The following PCDH9 variants were observed in gnomAD, a reference collection of about 807,000 sequenced individuals.
PCDH9 encodes the protein protocadherin 9, also known as protocadherin-9.
Under a neutral mutation model 70.6 loss-of-function variants are expected in PCDH9, and 24 were observed. The ratio of observed to expected loss-of-function variants is 0.34; its 90% confidence interval spans 0.25 to 0.48. The LOEUF is 0.48. Ranked by LOEUF, PCDH9 falls within the 20% of genes least tolerant of loss-of-function variation. PCDH9 has a pLI of 0.99. For missense variants in PCDH9, 1,281 were observed against 1,503.6 expected (o/e 0.85, Z 2.45); for synonymous variants, 562 against 558.5 (o/e 1.01, Z -0.09).
intron 3 of PCDH9, among the ~76,000 whole-genome samples, chr13:66,737,929 G>C (rs911478159): frequency 4.6e-5 from 7 of 152,216 alleles, no homozygotes; most frequent in African/African-American, 1.4e-4. Flanking sequence ...AGGGGCGCCC[G>C]CCATTGCCCA....
intron 2 of PCDH9, among the ~76,000 whole-genome samples, chr13:66,979,589 AGT>A (rs1334312708): frequency 1.3e-5 from 2 of 152,140 alleles, no homozygotes; most frequent in Admixed American, 6.5e-5. Flanking sequence ...AATATTCTAT[AGT>A]GACTCTCATT....
chr13:66,708,665 G>A lies in PCDH9; in HGVS notation c.3139-77254C>T, dbSNP rs150643829. On this transcript the variant is annotated intron_variant, in intron 3 of 4. Coordinates refer to ENST00000377865, the MANE Select transcript of PCDH9 (RefSeq NM_203487.3). ...TTTCATATCAGAAACACGCAGAAACGTGGAAGATACATGGCTTCCTCAGTC... is the reference window on the plus strand; with the variant it reads ...TTTCATATCAGAAACACGCAGAAACATGGAAGATACATGGCTTCCTCAGTC... 4.2e-3 allele frequency among the ~76,000 whole-genome samples: 636 copies of A among 152,246 alleles called. 1 individual carries two copies. Among genetic ancestry groups the A allele is most frequent in the African/African-American group, 0.014 (582 of 41,552 alleles).
rs192740243 is a variant in PCDH9, at chr13:67,216,607, A to C, written c.3036+8798T>G. ...TTATCTGAGACCATAAGTCAGAATA[A>C]ATATGAATTTACTATTTCTAGCAAG... On this transcript the variant is annotated intron_variant, in intron 2 of 4. Transcript: ENST00000377865. 596 of 149,102 alleles carry C rather than the reference A, an allele frequency of 4.0e-3. 5 individuals are homozygous for C. Among genetic ancestry groups the C allele is most frequent in the African/African-American group, 0.014 (558 of 40,756 alleles). 9.2% of individuals were successfully genotyped at this position (149,102 alleles called of 1,614,324 possible). A position where few individuals can be genotyped will look rare whatever the true frequency, so the allele number is the denominator to read the frequency against.
intron 2 of PCDH9, among the ~76,000 whole-genome samples, chr13:67,057,586 C>A (rs1286795193): frequency 6.6e-6 from 1 of 151,564 alleles, no homozygotes; most frequent in Non-Finnish European, 1.5e-5. Flanking sequence ...AACTAGTTGG[C>A]GAGTGGGAAT....
intron 2 of PCDH9, among the ~76,000 whole-genome samples, chr13:67,173,423 T>A: frequency 6.6e-6 from 1 of 152,210 alleles, no homozygotes; most frequent in Non-Finnish European, 1.5e-5. Context: ...ATCAACAAAT[T>A]ATATATATAT....
rs1183189975 is a variant in PCDH9 at position 67,172,903 on chromosome 13, T to C, written c.3036+52502A>G. Among the ~76,000 whole-genome samples, 3 of 142,750 alleles carry C rather than the reference T, an allele frequency of 2.1e-5. No individual in the cohort carries two copies. In the East Asian group the frequency reaches 6.1e-4, roughly 29 times the overall value. 93.6% of individuals were successfully genotyped at this position (142,750 alleles called of 152,430 possible). ...AAAAAAAAAAAAAAAAAAAGGATGGTATTGGCAGTTTATCCAAACATTCAA... is the reference window on the plus strand; with the variant it reads ...AAAAAAAAAAAAAAAAAAAGGATGGCATTGGCAGTTTATCCAAACATTCAA... On this transcript the variant is annotated intron_variant, in intron 2 of 4. Coordinates refer to ENST00000377865, the MANE Select transcript of PCDH9 (RefSeq NM_203487.3).
chr13:66,875,097 A>G (rs1280045568), intron 3 of PCDH9, among the ~76,000 whole-genome samples: 5 of 152,158 alleles, frequency 3.3e-5, no homozygotes, highest in African/African-American at 4.8e-5. Flanking sequence ...ACTAACATCT[A>G]TTGTACCACC....
chr13:66,376,826 A>G (rs1445978401), intron 4 of PCDH9, among the ~76,000 whole-genome samples: 1 of 152,214 alleles, frequency 6.6e-6, no homozygotes, highest in African/African-American at 2.4e-5. Flanking sequence ...CTGGCAATAC[A>G]TTAAAAAAGA....
chr13:66,576,345 T>C (rs2076814889), intron 4 of PCDH9, among the ~76,000 whole-genome samples: 1 of 152,036 alleles, frequency 6.6e-6, no homozygotes, highest in Non-Finnish European at 1.5e-5. Context: ...TATGTGTACA[T>C]ATATATTTTT....
intron 3 of PCDH9, among the ~76,000 whole-genome samples, chr13:66,832,682 T>C (rs957099512): frequency 1.3e-4 from 20 of 152,096 alleles, no homozygotes; most frequent in Admixed American, 2.0e-4. Context: ...TCCCAAATAT[T>C]CAATAAAACA....
At chr13:66,622,785 A>G (rs920723645) in intron 4 of PCDH9, among the ~76,000 whole-genome samples, 1 of 152,174 alleles carries the variant, frequency 6.6e-6, no homozygotes, top group Non-Finnish European at 1.5e-5. Context: ...GGCAGTGGCA[A>G]TCCGCGCTGG....
At chr13:66,774,243 A>G (rs1162985631) in intron 3 of PCDH9, among the ~76,000 whole-genome samples, 1 of 152,120 alleles carries the variant, frequency 6.6e-6, no homozygotes, top group Non-Finnish European at 1.5e-5. Context: ...TGCTATTAGG[A>G]GAGAGCCAAC....
chr13:66,794,857 T>C (rs545522437), intron 3 of PCDH9, among the ~76,000 whole-genome samples: 1 of 152,192 alleles, frequency 6.6e-6, no homozygotes, highest in East Asian at 1.9e-4. Flanking sequence ...CACTCATGAC[T>C]ACATCTATAG....
rs2081348828 is a variant in PCDH9 at position 66,853,554 on chromosome 13, AG to A, written c.3138+49949del. On this transcript the variant is annotated intron_variant, in intron 3 of 4. Coordinates refer to ENST00000377865, the MANE Select transcript of PCDH9 (RefSeq NM_203487.3). ...TTCAACTAGGAACTGTGTTTTCTCAAGGAAACATTGTTGTAGAAGGTGGTTC... is the reference window on the plus strand; with the variant it reads ...TTCAACTAGGAACTGTGTTTTCTCAAGAAACATTGTTGTAGAAGGTGGTTC... 2.6e-5 allele frequency among the ~76,000 whole-genome samples: 4 copies of A among 152,212 alleles called. No homozygotes were observed. The South Asian group carries it at 6.2e-4, about 24-fold the overall frequency.
chr13:66,831,754 A>G (rs2080929016), intron 3 of PCDH9, among the ~76,000 whole-genome samples: 1 of 152,162 alleles, frequency 6.6e-6, no homozygotes, highest in Non-Finnish European at 1.5e-5. Flanking sequence ...CAGATTTATA[A>G]TGTGAGTCAC....
intron 3 of PCDH9, among the ~76,000 whole-genome samples, chr13:66,646,524 G>T (rs912641530): frequency 2.0e-5 from 3 of 152,090 alleles, no homozygotes; most frequent in African/African-American, 7.2e-5. Context: ...TACATAATCA[G>T]AAACTATTTT....
intron 3 of PCDH9, among the ~76,000 whole-genome samples, chr13:66,733,013 T>C (rs895346904): frequency 6.6e-6 from 1 of 152,040 alleles, no homozygotes; most frequent in Non-Finnish European, 1.5e-5. Context: ...AGCATATATG[T>C]TTATATTTTA....
chr13:66,566,179 A>G (rs2076649632), intron 4 of PCDH9, among the ~76,000 whole-genome samples: 1 of 152,184 alleles, frequency 6.6e-6, no homozygotes, highest in Non-Finnish European at 1.5e-5. Flanking sequence ...CTTGTGATGT[A>G]CTTTTCAGAG....
Position 67,227,680 on chromosome 13 carries a change from T to G in PCDH9, c.761A>C (p.Glu254Ala), listed in dbSNP as rs1237319949. 1 of 1,613,966 alleles carries G rather than the reference T, an allele frequency of 6.2e-7. No individual in the cohort carries two copies. Among genetic ancestry groups the G allele is most frequent in the Admixed American group, 1.7e-5 (1 of 60,024 alleles). Residue 254 changes from glutamate to alanine, a missense_variant, in exon 2 of 5, where the codon GAG (glutamate) becomes GCG (alanine). This residue lies in a region of PCDH9 where 798 missense variants were observed against 1,003.1 expected (regional missense o/e 0.80). Coordinates refer to ENST00000377865, the MANE Select transcript of PCDH9 (RefSeq NM_203487.3). This position sits in a 1 kb window ranked among gnomAD's most constrained non-coding sequence, Gnocchi z 4.6. ...DVNDNRPVFK[E>A]GQVEVHIPEN... ...TGGAATATGCACCTCCACTTGACCC[T>G]CTTTAAACACTGGCCTGTTGTCATT...
Sources: allele counts gnomAD v4.1 joint callset (sites outside exome capture counted in the v4.1 genomes callset), GRCh38; gene constraint gnomAD v4.1.1; regional missense constraint gnomAD v4.1.1; non-coding constraint Gnocchi (gnomAD v3.1); transcripts MANE v1.5; gene names NCBI Gene and HGNC (gene_info 2026-07-23, HGNC 2026-07-21).